Variants in HCN4 observed in about 807,000 individuals in gnomAD.
HCN4 encodes hyperpolarization activated cyclic nucleotide gated potassium channel 4.
Under a neutral mutation model 76.9 loss-of-function variants are expected in HCN4, and 29 were observed. The ratio of observed to expected loss-of-function variants is 0.38; its 90% CI spans 0.28 to 0.51. HCN4 has a LOEUF of 0.51. HCN4 is among the 20% of genes least tolerant of loss of function. HCN4 has a pLI of 0.90. For missense variants in HCN4, 1,416 were observed against 1,715.2 expected (o/e 0.83, Z 3.08); for synonymous variants, 772 against 762.5 (o/e 1.01, Z -0.21).
Position 73,329,878 on chromosome 15 carries a change from C to A in HCN4, c.1372-87G>T, listed in dbSNP as rs1033466127. 8.8e-6 allele frequency: 10 copies of A among 1,132,498 alleles called. No homozygotes were observed. The South Asian group carries it at 1.2e-4, about 13-fold the overall frequency. 70.2% of individuals were successfully genotyped at this position (1,132,498 alleles called of 1,614,324 possible). A position where few individuals can be genotyped will look rare whatever the true frequency, so the allele number is the denominator to read the frequency against. On this transcript the variant is annotated intron_variant, in intron 3 of 7. Transcript: ENST00000261917. ...AAAAGGCCCTGCCACCTCCTCACCT[C>A]AACCTAACTTTCTCAGTGGCTGGGC...
intron 2 of HCN4, among the ~76,000 whole-genome samples, chr15:73,337,933 T>G (rs139861977): frequency 2.0e-4 from 31 of 152,254 alleles, no homozygotes; most frequent in Non-Finnish European, 3.2e-4. Flanking sequence ...CTGTGGGCAC[T>G]GGGGTGGTGG....
chr15:73,329,545 T>A (rs980478597), intron 4 of HCN4, 28 bp downstream of exon 4: 1 of 1,607,324 alleles, frequency 6.2e-7, no homozygotes, highest in East Asian at 2.2e-5. Flanking sequence ...GAGGGACCAA[T>A]GTGCGGGTGC....
Position 73,357,004 on chromosome 15 carries a change from A to G in HCN4, c.785+10482T>C, listed in dbSNP as rs542274716. On this transcript the variant is annotated intron_variant, in intron 1 of 7. Coordinates refer to ENST00000261917, the MANE Select transcript of HCN4 (RefSeq NM_005477.3). ...TGCAGATGGGGGCTTGGGGATGCCC[A>G]GCTCATTGGCTCCCAAAGTGATGGA... 3.1e-3 allele frequency among the ~76,000 whole-genome samples: 479 copies of G among 152,294 alleles called. 3 individuals are homozygous for G. The highest frequency in any genetic ancestry group is 5.1e-3 in the Non-Finnish European group (349 of 68,008).
intron 4 of HCN4, among the ~76,000 whole-genome samples, chr15:73,326,439 G>A (rs1233705662): frequency 1.3e-5 from 2 of 152,232 alleles, no homozygotes; most frequent in African/African-American, 2.4e-5. Flanking sequence ...CAAAGTCCCA[G>A]GGGACAGTGA....
At position 73,351,959 on chromosome 15, in the gene HCN4, C is replaced by T. The variant is rs534202287; in HGVS notation, c.786-8151G>A. Among the ~76,000 whole-genome samples the T allele has an allele frequency of 2.6e-5, 4 of 152,274 alleles. No individual in the cohort carries two copies. In the East Asian group the frequency reaches 5.8e-4, roughly 22 times the overall value. ...CATCTCTGCCTGGAACTCTTCTCCC[C>T]ACTTGTACCCACCTACCCCCCTTGG... On this transcript the variant is annotated intron_variant, in intron 1 of 7. Transcript: ENST00000261917.
intron 1 of HCN4, among the ~76,000 whole-genome samples, chr15:73,361,649 T>C (rs1055968713): frequency 5.3e-4 from 81 of 152,210 alleles, no homozygotes; most frequent in African/African-American, 1.9e-3. Flanking sequence ...TCCTCCATGG[T>C]GGTCAGTGTT....
Position 73,322,333 on chromosome 15 carries a change from G to T in HCN4, c.*148C>A. ...AAATCTATAGCTCTAAGAATACCTG[G>T]TTATTTTCTGCTGTCTTTTGTTTTT... On this transcript the variant is annotated 3_prime_UTR_variant, in exon 8 of 8. Coordinates refer to ENST00000261917, the MANE Select transcript of HCN4 (RefSeq NM_005477.3). 1 of 768,694 alleles carries T rather than the reference G, an allele frequency of 1.3e-6. No homozygotes were observed. The highest frequency in any genetic ancestry group is 2.2e-6 in the Non-Finnish European group (1 of 445,982). The allele number at this position is 768,694 out of a possible 1,614,324, so 47.6% of individuals were successfully genotyped here.
In HCN4 at chr15:73,343,544, G is replaced by C. The variant is rs1046034940; in HGVS notation, c.1050C>G (p.Ile350Met). The C allele has an allele frequency of 6.2e-7, 1 of 1,614,096 alleles. No homozygotes were observed. The highest frequency in any genetic ancestry group is 1.3e-5 in the African/African-American group (1 of 74,926). ...CAATGAGGAAGATGTAGTCCACGGGGATGGAGGAAATGAAATCTACCATGA... is the reference window on the plus strand; with the variant it reads ...CAATGAGGAAGATGTAGTCCACGGGCATGGAGGAAATGAAATCTACCATGA... ...SWFMVDFISS[I>M]PVDYIFLIVE... The change falls in exon 2 of 8, where the codon ATC becomes ATG. Residue 350 changes from isoleucine to methionine, a missense_variant. Coordinates refer to ENST00000261917, the MANE Select transcript of HCN4 (RefSeq NM_005477.3). This position sits in a 1 kb window ranked among gnomAD's most constrained non-coding sequence, Gnocchi z 5.7.
intron 1 of HCN4, among the ~76,000 whole-genome samples, chr15:73,356,364 CTTT>C (rs1345957880): frequency 7.1e-6 from 1 of 141,058 alleles, no homozygotes; most frequent in Non-Finnish European, 1.5e-5. Flanking sequence ...ATTTTTCTTT[CTTT>C]TCTTTTCTTT....
chr15:73,336,173 G>T (rs1377497325), intron 2 of HCN4, among the ~76,000 whole-genome samples: 1 of 152,106 alleles, frequency 6.6e-6, no homozygotes, highest in Non-Finnish European at 1.5e-5. Context: ...GGACAGCACG[G>T]CTGGTAGCAG....
intron 1 of HCN4, among the ~76,000 whole-genome samples, chr15:73,361,459 C>T (rs912097596): frequency 1.3e-5 from 2 of 152,228 alleles, no homozygotes; most frequent in Admixed American, 1.3e-4. Context: ...CTTCAGCATC[C>T]CCTGGGCGAA....
At chr15:73,348,405 C>T (rs1400413572) in intron 1 of HCN4, among the ~76,000 whole-genome samples, 1 of 152,244 alleles carries the variant, frequency 6.6e-6, no homozygotes, top group African/African-American at 2.4e-5. Flanking sequence ...TGCGTGCACA[C>T]ACGCACACAC....
intron 6 of HCN4, 127 bp downstream of exon 6, chr15:73,324,828 G>A: frequency 1.7e-6 from 2 of 1,172,396 alleles, no homozygotes; most frequent in Non-Finnish European, 2.4e-6. Flanking sequence ...CCCTACCCTG[G>A]GCTCACAGAC....
Position 73,365,059 on chromosome 15 carries a change from C to T in HCN4, c.785+2427G>A, listed in dbSNP as rs566484810. Among the ~76,000 whole-genome samples, 19 of 152,222 alleles carry T rather than the reference C, an allele frequency of 1.2e-4. 1 individual carries two copies. The highest frequency in any genetic ancestry group is 4.6e-4 in the African/African-American group (19 of 41,528). On this transcript the variant is annotated intron_variant, in intron 1 of 7. Transcript: ENST00000261917. ...TTGCGAAGCCTGAGGTGGGCAATGG[C>T]GATTGGCTACACATAGAGGCCCAAG...
chr15:73,362,525 G>A (rs1022365538), intron 1 of HCN4, among the ~76,000 whole-genome samples: 1 of 152,230 alleles, frequency 6.6e-6, no homozygotes, highest in East Asian at 1.9e-4. Flanking sequence ...CATTACAGCA[G>A]GACAAGCTGC....
chr15:73,355,061 G>C (rs1401874744), intron 1 of HCN4, among the ~76,000 whole-genome samples: 1 of 152,248 alleles, frequency 6.6e-6, no homozygotes, highest in Non-Finnish European at 1.5e-5. Context: ...AGCCAGGCTT[G>C]CTCCAGAAAG....
intron 1 of HCN4, among the ~76,000 whole-genome samples, chr15:73,363,612 C>T (rs979408556): frequency 6.6e-6 from 1 of 152,204 alleles, no homozygotes; most frequent in African/African-American, 2.4e-5. Flanking sequence ...TGTGTCTGGA[C>T]ACCCAGGTAT....
At chr15:73,355,857 C>T (rs2043076485) in intron 1 of HCN4, among the ~76,000 whole-genome samples, 1 of 152,174 alleles carries the variant, frequency 6.6e-6, no homozygotes. Context: ...CAGGCCAGGG[C>T]CTAACCTCTC....
chr15:73,347,350 G>A (rs554594870), intron 1 of HCN4, among the ~76,000 whole-genome samples: 1 of 152,314 alleles, frequency 6.6e-6, no homozygotes, highest in East Asian at 1.9e-4. Context: ...CTAGAGGGAT[G>A]TGGGAGGCAG....
Sources: allele counts gnomAD v4.1 joint callset (sites outside exome capture counted in the v4.1 genomes callset), GRCh38; gene constraint gnomAD v4.1.1; non-coding constraint Gnocchi (gnomAD v3.1); transcripts MANE v1.5; gene names NCBI Gene and HGNC (gene_info 2026-07-23, HGNC 2026-07-21).